Variants in LRRC36 observed in about 807,000 individuals in gnomAD.
LRRC36 encodes the protein leucine rich repeat containing 36, also known as leucine-rich repeat-containing protein 36.
A neutral mutation model predicts 81.1 loss-of-function variants in LRRC36; 62 were observed. That is an observed-to-expected ratio of 0.76 (90% CI 0.62 to 0.94). LRRC36 has a LOEUF of 0.94. Among genes scored for constraint, LRRC36 ranks in the 40% least tolerant of loss-of-function variants. The probability of loss-of-function intolerance (pLI) is 0.00; values close to 1 mark genes in which losing one functional copy is unlikely to be tolerated. For missense variants in LRRC36, 761 were observed against 881.7 expected (o/e 0.86, Z 1.73); for synonymous variants, 334 against 348.6 (o/e 0.96, Z 0.47).
chr16:67,338,454 G>A (rs2037867014), intron 1 of LRRC36, among the ~76,000 whole-genome samples: 1 of 152,002 alleles, frequency 6.6e-6, no homozygotes, highest in Non-Finnish European at 1.5e-5. Flanking sequence ...GGAAAAGGAA[G>A]GAATATTTTA....
At chr16:67,336,318 G>A (rs2037760232) in intron 1 of LRRC36, among the ~76,000 whole-genome samples, 1 of 152,142 alleles carries the variant, frequency 6.6e-6, no homozygotes, top group African/African-American at 2.4e-5. Flanking sequence ...GCAGGTTTGG[G>A]TGTGGACATA....
chr16:67,364,291 T>C (rs2039288571), intron 6 of LRRC36, among the ~76,000 whole-genome samples: 2 of 152,220 alleles, frequency 1.3e-5, no homozygotes, highest in South Asian at 2.1e-4. Context: ...GCAACCATTA[T>C]GTAAGACTTG....
intron 5 of LRRC36, among the ~76,000 whole-genome samples, chr16:67,352,935 C>A (rs1157602187): frequency 1.3e-5 from 2 of 152,036 alleles, no homozygotes; most frequent in Non-Finnish European, 2.9e-5. Context: ...AATTTTCCCC[C>A]CTCAGCCTCC....
chr16:67,331,069 A>AGAGAGAGAGAGAGAGAG (rs2037461259), intron 1 of LRRC36, among the ~76,000 whole-genome samples: 1 of 118,536 alleles, frequency 8.4e-6, no homozygotes, highest in African/African-American at 3.6e-5. Context: ...GTGAGAGAGA[A>AGAGAGAGAGAGAGAGAG]AGAGAGAGAG....
intron 1 of LRRC36, among the ~76,000 whole-genome samples, chr16:67,341,513 G>C (rs1567470929): frequency 6.6e-6 from 1 of 151,358 alleles, no homozygotes; most frequent in Admixed American, 6.6e-5. Context: ...AGGCTGTCTG[G>C]CTCTATTTTT....
intron 3 of LRRC36, 102 bp downstream of exon 3, chr16:67,346,550 ATTTG>A (rs1181720872): frequency 6.8e-6 from 4 of 590,698 alleles, no homozygotes; most frequent in Non-Finnish European, 1.1e-5. Flanking sequence ...GGCAGGATAT[ATTTG>A]TTTATTAGTC....
chr16:67,331,488 G>A (rs1335282122), intron 1 of LRRC36, among the ~76,000 whole-genome samples: 1 of 152,176 alleles, frequency 6.6e-6, no homozygotes, highest in Non-Finnish European at 1.5e-5. Context: ...TAGTGCTACT[G>A]CCCTCCAGCC....
At chr16:67,331,704 A>G (rs1255164889) in intron 1 of LRRC36, among the ~76,000 whole-genome samples, 1 of 151,984 alleles carries the variant, frequency 6.6e-6, no homozygotes, top group Non-Finnish European at 1.5e-5. Flanking sequence ...AAAAAGTTTT[A>G]TGGCCAGGTG....
intron 6 of LRRC36, among the ~76,000 whole-genome samples, chr16:67,364,349 T>C (rs970322585): frequency 6.6e-6 from 1 of 152,224 alleles, no homozygotes; most frequent in Admixed American, 6.5e-5. Context: ...CTACTTTATA[T>C]TCACCTTCTC....
intron 5 of LRRC36, among the ~76,000 whole-genome samples, chr16:67,358,134 C>G (rs1341757535): frequency 6.9e-6 from 1 of 144,792 alleles, no homozygotes; most frequent in Non-Finnish European, 1.5e-5. Context: ...ATATGACGTA[C>G]TTAGTCATAA....
At chr16:67,350,355 T>C in intron 5 of LRRC36, 65 bp downstream of exon 5, 1 of 1,291,084 alleles carries the variant, frequency 7.7e-7, no homozygotes, top group Non-Finnish European at 1.1e-6. Flanking sequence ...CCATAGCCAA[T>C]ATTGGGTAAG....
chr16:67,360,490 C>T (rs910826869), intron 5 of LRRC36, among the ~76,000 whole-genome samples: 4 of 152,206 alleles, frequency 2.6e-5, no homozygotes, highest in African/African-American at 9.7e-5. Context: ...AAGTCACAGC[C>T]TACTAACCAT....
chr16:67,365,123 C>G (rs8045251), intron 6 of LRRC36, 181 bp from the exon 7 acceptor site: 18,532 of 560,556 alleles, frequency 0.033, 2,560 homozygotes, highest in African/African-American at 0.31. Context: ...TCTGGAATCT[C>G]CTTGTATTGT....
At chr16:67,373,402 A>AT (rs200591350) in intron 9 of LRRC36, among the ~76,000 whole-genome samples, 20 of 148,064 alleles carry the variant, frequency 1.4e-4, no homozygotes, top group South Asian at 4.3e-4. Flanking sequence ...CATTTTTTAC[A>AT]TTTTTTTTTT....
intron 5 of LRRC36, among the ~76,000 whole-genome samples, chr16:67,356,644 C>A (rs2038916305): frequency 6.6e-6 from 1 of 152,100 alleles, no homozygotes; most frequent in African/African-American, 2.4e-5. Context: ...AGATTTATTG[C>A]AGCTAATTAG....
chr16:67,372,874 G>A (rs901628674), intron 9 of LRRC36, among the ~76,000 whole-genome samples: 1 of 152,156 alleles, frequency 6.6e-6, no homozygotes, highest in Non-Finnish European at 1.5e-5. Context: ...GGGCAGTCTT[G>A]TAATGTTTTA....
intron 5 of LRRC36, among the ~76,000 whole-genome samples, chr16:67,362,843 T>C (rs1471064116): frequency 6.6e-6 from 1 of 152,124 alleles, no homozygotes; most frequent in East Asian, 1.9e-4. Context: ...AGTGGCACAG[T>C]CGTGGCTCAC....
chr16:67,362,126 A>C (rs907924697), intron 5 of LRRC36: 2 of 392,320 alleles, frequency 5.1e-6, no homozygotes, highest in Non-Finnish European at 9.9e-6. Flanking sequence ...AATCTCACAC[A>C]AAATAACATA....
At chr16:67,341,893 T>G (rs1292133980) in intron 1 of LRRC36, 64 bp from the exon 2 acceptor site, 1 of 1,429,830 alleles carries the variant, frequency 7.0e-7, no homozygotes, top group African/African-American at 1.4e-5. Context: ...AAGGCCTACT[T>G]TCACTGACTC....
Sources: allele counts gnomAD v4.1 joint callset (sites outside exome capture counted in the v4.1 genomes callset), GRCh38; gene constraint gnomAD v4.1.1; transcripts MANE v1.5; gene names NCBI Gene and HGNC (gene_info 2026-07-23, HGNC 2026-07-21).